Variants in STEAP1B observed in about 807,000 individuals in gnomAD.
The protein encoded by STEAP1B is STEAP family protein MGC87042.
Under a neutral mutation model 27.9 loss-of-function variants are expected in STEAP1B, and 13 were observed. The ratio of observed to expected loss-of-function variants is 0.47; its 90% CI spans 0.30 to 0.74. The LOEUF (loss-of-function observed/expected upper bound fraction) is 0.74, where lower values mean the gene tolerates loss of function less well. Ranked by LOEUF, STEAP1B falls within the 30% of genes least tolerant of loss-of-function variation. The pLI, the probability that STEAP1B is intolerant of heterozygous loss-of-function variation, is 0.06. For synonymous variants in STEAP1B, 86 were observed against 107.1 expected (o/e 0.80, Z 1.22); for missense variants, 250 against 298.7 (o/e 0.84, Z 1.20).
chr7:22,428,475 A>C (rs1008215150), intron 4 of STEAP1B, among the ~76,000 whole-genome samples: 8 of 151,914 alleles, frequency 5.3e-5, no homozygotes, highest in Non-Finnish European at 1.0e-4. Flanking sequence ...GAGAAGAAAA[A>C]GGACAAGAAG....
In STEAP1B at chr7:22,442,923, C is replaced by G. The variant is rs888870804; in HGVS notation, c.763-23087G>C. On this transcript the variant is annotated intron_variant, in intron 4 of 4. Coordinates refer to ENST00000678116, the MANE Select transcript of STEAP1B (RefSeq NM_001382447.1). ...CACTTGGAGAAGAAATAGCAACAAC[C>G]ATTGTCACACCAGGCTCACCCCTAC... Among the ~76,000 whole-genome samples the G allele has an allele frequency of 1.6e-4, 24 of 152,254 alleles. 1 individual carries two copies. The highest frequency in any genetic ancestry group is 1.4e-3 in the Admixed American group (22 of 15,294).
At chr7:22,453,117 A>C (rs571603516) in intron 4 of STEAP1B, among the ~76,000 whole-genome samples, 1 of 152,338 alleles carries the variant, frequency 6.6e-6, no homozygotes, top group South Asian at 2.1e-4. Flanking sequence ...TATTTTAAAA[A>C]ATTCGTGTCA....
intron 4 of STEAP1B, among the ~76,000 whole-genome samples, chr7:22,477,558 T>C (rs1785993244): frequency 6.6e-6 from 1 of 152,218 alleles, no homozygotes; most frequent in African/African-American, 2.4e-5. Flanking sequence ...GATACTAAAA[T>C]AACGCATGAA....
At position 22,420,092 on chromosome 7, in the gene STEAP1B, T is replaced by C. The variant is rs553502414; in HGVS notation, c.763-256A>G. On this transcript the variant is annotated intron_variant, in intron 4 of 4. Coordinates refer to ENST00000678116, the MANE Select transcript of STEAP1B (RefSeq NM_001382447.1). ...GTGGGGCAATGAGAGTCCCACCCCA[T>C]TACTATCTCTCTCTCAAACACAACA... Among the ~76,000 whole-genome samples, 5 of 152,234 alleles carry C rather than the reference T, an allele frequency of 3.3e-5. No individual in the cohort carries two copies. In the East Asian group the frequency reaches 9.6e-4, roughly 29 times the overall value.
intron 4 of STEAP1B, among the ~76,000 whole-genome samples, chr7:22,430,102 T>A (rs1337705921): frequency 2.0e-5 from 3 of 152,246 alleles, no homozygotes; most frequent in Non-Finnish European, 4.4e-5. Context: ...GGGCATGCAT[T>A]CTTTATAATA....
chr7:22,490,442 T>C (rs1356915495), intron 4 of STEAP1B, among the ~76,000 whole-genome samples: 1 of 152,266 alleles, frequency 6.6e-6, no homozygotes, highest in Non-Finnish European at 1.5e-5. Flanking sequence ...GTTTACTAAA[T>C]GATCCATTGG....
intron 4 of STEAP1B, among the ~76,000 whole-genome samples, chr7:22,459,131 C>T (rs1218228885): frequency 3.3e-5 from 5 of 152,190 alleles, no homozygotes; most frequent in Non-Finnish European, 5.9e-5. Context: ...TGACACACTC[C>T]ATGCTGTTTC....
intron 4 of STEAP1B, among the ~76,000 whole-genome samples, chr7:22,440,189 A>AG (rs746437588): frequency 1.6e-4 from 24 of 152,154 alleles, no homozygotes; most frequent in Admixed American, 2.6e-4. Context: ...TACCAGATCG[A>AG]GGGGGGAAAT....
At chr7:22,478,061 G>A (rs1786003472) in intron 4 of STEAP1B, among the ~76,000 whole-genome samples, 1 of 152,198 alleles carries the variant, frequency 6.6e-6, no homozygotes, top group African/African-American at 2.4e-5. Flanking sequence ...GGGCTGCTGG[G>A]CGGCCTGAGA....
intron 4 of STEAP1B, among the ~76,000 whole-genome samples, chr7:22,429,782 G>A (rs1237886647): frequency 6.6e-6 from 1 of 152,128 alleles, no homozygotes; most frequent in African/African-American, 2.4e-5. Flanking sequence ...ATGGATGGGG[G>A]AAAAGACTGT....
intron 4 of STEAP1B, among the ~76,000 whole-genome samples, chr7:22,449,034 A>AT (rs1785447313): frequency 6.6e-6 from 1 of 152,196 alleles, no homozygotes; most frequent in Admixed American, 6.5e-5. Context: ...AGGTGTATGT[A>AT]TTTATGGAGT....
intron 4 of STEAP1B, among the ~76,000 whole-genome samples, chr7:22,464,797 A>G (rs1298357602): frequency 1.3e-5 from 2 of 151,016 alleles, no homozygotes; most frequent in Non-Finnish European, 3.0e-5. Context: ...CAGCCTCCAG[A>G]ACTGGGAGGA....
intron 4 of STEAP1B, among the ~76,000 whole-genome samples, chr7:22,444,766 G>T (rs1220132574): frequency 6.6e-6 from 1 of 152,216 alleles, no homozygotes; most frequent in South Asian, 2.1e-4. Context: ...GTTTTCCCCT[G>T]GAGATTTAAT....
chr7:22,439,123 G>C (rs1785294447), intron 4 of STEAP1B, among the ~76,000 whole-genome samples: 1 of 152,124 alleles, frequency 6.6e-6, no homozygotes, highest in African/African-American at 2.4e-5. Context: ...ATCTACTAAA[G>C]AAGCACCAGC....
chr7:22,488,132 G>C (rs115888777), intron 4 of STEAP1B, among the ~76,000 whole-genome samples: 1 of 152,188 alleles, frequency 6.6e-6, no homozygotes, highest in East Asian at 1.9e-4. Context: ...CCAGTCCTCC[G>C]AGTCCCTTCT....
chr7:22,450,642 T>G (rs1785472984), intron 4 of STEAP1B, among the ~76,000 whole-genome samples: 1 of 152,002 alleles, frequency 6.6e-6, no homozygotes, highest in South Asian at 2.1e-4. Flanking sequence ...ATGGGTCTTT[T>G]GTGGTTCCAT....
At chr7:22,442,615 G>C (rs2128402324) in intron 4 of STEAP1B, among the ~76,000 whole-genome samples, 1 of 152,362 alleles carries the variant, frequency 6.6e-6, no homozygotes, top group East Asian at 1.9e-4. Context: ...GTAAAGGAAT[G>C]CTGGGTGCTG....
At chr7:22,441,118 T>C (rs757531971) in intron 4 of STEAP1B, among the ~76,000 whole-genome samples, 1 of 152,152 alleles carries the variant, frequency 6.6e-6, no homozygotes, top group Admixed American at 6.5e-5. Context: ...ATGTAACTAT[T>C]TATAATTTAC....
rs566754216 is a variant in STEAP1B at position 22,458,848 on chromosome 7, G to A, written c.762+33717C>T. On this transcript the variant is annotated intron_variant, in intron 4 of 4. Transcript: ENST00000678116. ...ATCCTGGAGGGGATGGGTGGACAAA[G>A]AAGTTTTAAGCTAGGGTGTGGTACG... 5.3e-5 allele frequency among the ~76,000 whole-genome samples: 8 copies of A among 152,052 alleles called. 1 individual carries two copies. Among genetic ancestry groups the A allele is most frequent in the African/African-American group, 1.7e-4 (7 of 41,508 alleles).
Sources: gnomAD v4.1 joint callset for allele counts (sites outside exome capture counted in the v4.1 genomes callset) on GRCh38, gnomAD v4.1.1 for gene constraint, MANE v1.5 for transcripts, NCBI Gene and HGNC (gene_info 2026-07-23, HGNC 2026-07-21) for gene names.